Variants in LCK observed in about 807,000 individuals in gnomAD.
LCK encodes the protein tyrosine-protein kinase Lck.
LCK carries 14 observed loss-of-function variants against 64.6 expected under a neutral mutation model. The ratio of observed to expected loss-of-function variants is 0.22; its 90% confidence interval spans 0.14 to 0.34. The LOEUF is 0.34. LCK is among the 10% of genes least tolerant of loss of function. The probability of loss-of-function intolerance (pLI) is 1.00; values close to 1 mark genes in which losing one functional copy is unlikely to be tolerated. For missense variants in LCK, 434 were observed against 668.1 expected (o/e 0.65, Z 3.86); for synonymous variants, 277 against 263.6 (o/e 1.05, Z -0.49).
rs1202376800 is a variant in LCK, at chr1:32,275,725, A to AG, written c.481+60dup. On this transcript the variant is annotated intron_variant, in intron 6 of 12. Transcript: ENST00000336890. This position sits in a 1 kb window ranked among gnomAD's most constrained non-coding sequence, Gnocchi z 6.9. ...GCGGGGGTGCCCCGGGGTGTGCCCG[A>AG]GGGGGGGCGCAGGGTGAGCCCGAGG... 1.4e-5 allele frequency: 20 copies of AG among 1,440,138 alleles called. No homozygotes were observed. The highest frequency in any genetic ancestry group is 4.8e-5 in the African/African-American group (3 of 62,512). The allele number at this position is 1,440,138 out of a possible 1,614,324, so 89.2% of individuals were successfully genotyped here.
intron 1 of LCK, among the ~76,000 whole-genome samples, chr1:32,270,693 T>G (rs1337625825): frequency 1.0e-5 from 1 of 98,882 alleles, no homozygotes; most frequent in South Asian, 3.4e-4. Flanking sequence ...GTGCCCGGAC[T>G]TTTTTTTTTT....
chr1:32,279,514 T>C, intron 9 of LCK, 157 bp from the exon 10 acceptor site: 2 of 1,451,748 alleles, frequency 1.4e-6, no homozygotes, highest in Non-Finnish European at 1.9e-6. Flanking sequence ...TTACATATCC[T>C]GGGCATCCTT....
In LCK at chr1:32,276,224, A is replaced by G. The variant is rs975372905; in HGVS notation, c.632-113A>G. ...CCCCAAGTGTTTGGGTGACAGCCCC[A>G]CACCCCCTTGCTAGTCCACTTCACC... On this transcript the variant is annotated intron_variant, in intron 7 of 12. Transcript: ENST00000336890. This position sits in a 1 kb window ranked among gnomAD's most constrained non-coding sequence, Gnocchi z 4.6. The G allele has an allele frequency of 4.4e-5, 64 of 1,466,814 alleles. No homozygotes were observed. The highest frequency in any genetic ancestry group is 5.6e-5 in the Non-Finnish European group (61 of 1,095,782). 90.9% of individuals were successfully genotyped at this position (1,466,814 alleles called of 1,614,324 possible). A position where few individuals can be genotyped will look rare whatever the true frequency, so the allele number is the denominator to read the frequency against.
chr1:32,259,629 AAATAATAAT>A (rs762289799), intron 1 of LCK, among the ~76,000 whole-genome samples: 1 of 149,506 alleles, frequency 6.7e-6, no homozygotes, highest in Non-Finnish European at 1.5e-5. Context: ...AAAAAAATAA[AAATAATAAT>A]AATAATAATA....
chr1:32,285,866 G>C lies in LCK; in HGVS notation c.*150G>C. 1 of 761,940 alleles carries C rather than the reference G, an allele frequency of 1.3e-6. No individual in the cohort carries two copies. The highest frequency in any genetic ancestry group is 2.7e-5 in the East Asian group (1 of 37,198). 47.2% of individuals were successfully genotyped at this position (761,940 alleles called of 1,614,324 possible). A position where few individuals can be genotyped will look rare whatever the true frequency, so the allele number is the denominator to read the frequency against. On this transcript the variant is annotated 3_prime_UTR_variant, in exon 13 of 13. Transcript: ENST00000336890. ...TGTGACACATATGCACCTTGTGTCT[G>C]TACACGTGTCCTGTAGTTGCGTGGA...
At chr1:32,261,952 GAAAAAAA>G (rs934560000) in intron 1 of LCK, among the ~76,000 whole-genome samples, 235 of 40,108 alleles carry the variant, frequency 5.9e-3, no homozygotes, top group Admixed American at 0.015. Context: ...GACTCTGTCA[GAAAAAAA>G]AAAAAAAAAA....
At chr1:32,280,603 G>A (rs1002063141) in intron 12 of LCK, among the ~76,000 whole-genome samples, 4 of 151,610 alleles carry the variant, frequency 2.6e-5, no homozygotes, top group Admixed American at 6.6e-5. Flanking sequence ...TTACAGGTAC[G>A]TGCCACCATG....
Position 32,276,230 on chromosome 1 carries a change from C to T in LCK, c.632-107C>T. The T allele has an allele frequency of 6.1e-6, 9 of 1,473,382 alleles. No individual in the cohort carries two copies. In the South Asian group the frequency reaches 6.7e-5, roughly 11 times the overall value. The allele number at this position is 1,473,382 out of a possible 1,614,324, so 91.3% of individuals were successfully genotyped here. On this transcript the variant is annotated intron_variant, in intron 7 of 12. Coordinates refer to ENST00000336890, the MANE Select transcript of LCK (RefSeq NM_005356.5). This position sits in a 1 kb window ranked among gnomAD's most constrained non-coding sequence, Gnocchi z 4.6. ...GTGTTTGGGTGACAGCCCCACACCC[C>T]CTTGCTAGTCCACTTCACCTAGATG...
At position 32,285,826 on chromosome 1, in the gene LCK, TG is replaced by T; in HGVS notation, c.*111del. 1 of 1,144,028 alleles carries T rather than the reference TG, an allele frequency of 8.7e-7. No individual in the cohort carries two copies. Among genetic ancestry groups the T allele is most frequent in the Non-Finnish European group, 1.3e-6 (1 of 795,904 alleles). 70.9% of individuals were successfully genotyped at this position (1,144,028 alleles called of 1,614,324 possible). On this transcript the variant is annotated 3_prime_UTR_variant, in exon 13 of 13. Transcript: ENST00000336890. Reference sequence around the variant, plus strand: ...CCTATGCACATATGGACTCTGCACATGAATCCCACCCACATGTGACACATAT... The same window carrying T: ...CCTATGCACATATGGACTCTGCACATAATCCCACCCACATGTGACACATAT...
intron 1 of LCK, among the ~76,000 whole-genome samples, chr1:32,264,503 T>A (rs564948014): frequency 9.3e-5 from 14 of 151,350 alleles, no homozygotes; most frequent in African/African-American, 3.4e-4. Context: ...AAAAAAAGGA[T>A]GTAAGGTTTT....
intron 1 of LCK, among the ~76,000 whole-genome samples, chr1:32,263,406 T>TA (rs1639832327): frequency 1.5e-5 from 1 of 67,466 alleles, no homozygotes; most frequent in African/African-American, 1.3e-4. Flanking sequence ...ATAAATAAAA[T>TA]AAATAAATAA....
At position 32,259,617 on chromosome 1, in the gene LCK, CT is replaced by C. The variant is rs1343349985; in HGVS notation, c.-6+8247del. On this transcript the variant is annotated intron_variant, in intron 1 of 12. Coordinates refer to ENST00000336890, the MANE Select transcript of LCK (RefSeq NM_005356.5). ...CCTGGGCGATAGAGTGAGACTTCATCTAAAAAAATAAAAATAATAATAATAA... is the reference window on the plus strand; with the variant it reads ...CCTGGGCGATAGAGTGAGACTTCATCAAAAAAATAAAAATAATAATAATAA... Among the ~76,000 whole-genome samples, 19 of 147,514 alleles carry C rather than the reference CT, an allele frequency of 1.3e-4. No individual in the cohort carries two copies. In the Admixed American group the frequency reaches 1.3e-3, roughly 10 times the overall value.
chr1:32,284,251 G>GATATATAT (rs149802834), intron 12 of LCK, among the ~76,000 whole-genome samples: 23 of 138,544 alleles, frequency 1.7e-4, no homozygotes, highest in African/African-American at 5.8e-4. Context: ...TGCTTTCTGT[G>GATATATAT]ATATATATAT....
At position 32,275,898 on chromosome 1, in the gene LCK, C is replaced by A. The variant is rs757362602; in HGVS notation, c.482-16C>A. 1.2e-6 allele frequency: 2 copies of A among 1,613,778 alleles called. No homozygotes were observed. Among genetic ancestry groups the A allele is most frequent in the South Asian group, 1.1e-5 (1 of 91,072 alleles). On this transcript the variant is annotated splice_polypyrimidine_tract_variant and intron_variant, in intron 6 of 12. Coordinates refer to ENST00000336890, the MANE Select transcript of LCK (RefSeq NM_005356.5). This position sits in a 1 kb window ranked among gnomAD's most constrained non-coding sequence, Gnocchi z 6.9. ...TGCGTTCTTTCGTCGCTTTGTCCAT[C>A]CATTCATTCATTCAGGATCGTTTTC...
At chr1:32,284,253 TATATATATATATATATATCTGTGAG>T (rs1209539627) in intron 12 of LCK, among the ~76,000 whole-genome samples, 1 of 145,682 alleles carries the variant, frequency 6.9e-6, no homozygotes, top group Non-Finnish European at 1.5e-5. Context: ...CTTTCTGTGA[TATATATATATATATATATCTGTGAG>T]ATATATATAT....
At position 32,279,529 on chromosome 1, in the gene LCK, T is replaced by G. The variant is rs1171055360; in HGVS notation, c.965-142T>G. The G allele has an allele frequency of 1.0e-5, 16 of 1,536,420 alleles. No homozygotes were observed. In the East Asian group the frequency reaches 3.4e-4, roughly 33 times the overall value. On this transcript the variant is annotated intron_variant, in intron 9 of 12. Transcript: ENST00000336890. ...TTACATATCCTGGGCATCCTTACCC[T>G]GAACACACACTCCTCCATTCTCACT...
rs1557592828 is a variant in LCK, at chr1:32,285,701, C to T, written c.1515C>T (p.Tyr505=). Residue 505 remains tyrosine (Y), a synonymous_variant, in exon 13 of 13, where the codon TAC becomes TAT. Transcript: ENST00000336890. ...EDFFTATEGQ[Y]QPQP is the part of the protein sequence containing the mutation. ...TCTTCACGGCCACAGAGGGCCAGTA[C>T]CAGCCTCAGCCTTGAGAGGCCTTGA... 1 of 1,602,964 alleles carries T rather than the reference C, an allele frequency of 6.2e-7. No individual in the cohort carries two copies. The highest frequency in any genetic ancestry group is 2.3e-5 in the East Asian group (1 of 44,406).
rs1197810402 is a variant in LCK, at chr1:32,286,053, T to C, written c.*337T>C. Reference sequence around the variant, plus strand: ...CACCTACTTTTCTTTCCTCAGATCATCCAGAAGTTCCTCAAGGGCCAGGAC... The same window carrying C: ...CACCTACTTTTCTTTCCTCAGATCACCCAGAAGTTCCTCAAGGGCCAGGAC... On this transcript the variant is annotated 3_prime_UTR_variant, in exon 13 of 13. Transcript: ENST00000336890. 1 of 395,974 alleles carries C rather than the reference T, an allele frequency of 2.5e-6. No individual in the cohort carries two copies. Among genetic ancestry groups the C allele is most frequent in the African/African-American group, 2.0e-5 (1 of 50,924 alleles). The allele number at this position is 395,974 out of a possible 1,614,324, so 24.5% of individuals were successfully genotyped here.
chr1:32,273,058 G>C (rs1388559309), intron 1 of LCK, among the ~76,000 whole-genome samples: 1 of 146,874 alleles, frequency 6.8e-6, no homozygotes, highest in Non-Finnish European at 1.5e-5. Flanking sequence ...TCCTGGGTGT[G>C]GGAGCCTGTG....
Sources: allele counts gnomAD v4.1 joint callset (sites outside exome capture counted in the v4.1 genomes callset), GRCh38; gene constraint gnomAD v4.1.1; non-coding constraint Gnocchi (gnomAD v3.1); transcripts MANE v1.5; gene names NCBI Gene and HGNC (gene_info 2026-07-23, HGNC 2026-07-21).